IL1RAPL2: variants seen among roughly 807,000 people sequenced by gnomAD.
IL1RAPL2 encodes X-linked interleukin-1 receptor accessory protein-like 2.
A neutral mutation model predicts 44.1 loss-of-function variants in IL1RAPL2; 3 were observed. The observed-to-expected ratio is 0.07, with a 90% CI of 0.03 to 0.18. The LOEUF is 0.18. Ranked by LOEUF, IL1RAPL2 falls within the 10% of genes least tolerant of loss-of-function variation. IL1RAPL2 has a pLI of 1.00. For synonymous variants in IL1RAPL2, 181 were observed against 178.8 expected, an observed-to-expected ratio of 1.01 and a Z score of -0.10; for missense variants, 391 against 496.4, an observed-to-expected ratio of 0.79 and a Z score of 2.02.
At chrX:105,475,889 G>A (rs980758838) in intron 5 of IL1RAPL2, among the ~76,000 whole-genome samples, 1 of 112,164 alleles carries the variant, frequency 8.9e-6, no homozygotes, top group African/African-American at 3.2e-5. Flanking sequence ...CTTTCCCAAA[G>A]CTCATGCACT....
At chrX:105,567,180 A>T (rs2036980938) in intron 6 of IL1RAPL2, among the ~76,000 whole-genome samples, 1 of 111,862 alleles carries the variant, frequency 8.9e-6, no homozygotes, top group Non-Finnish European at 1.9e-5. Context: ...ATACTTGTTT[A>T]TCCATCCAAG....
At chrX:105,627,799 C>T (rs370870385) in intron 6 of IL1RAPL2, among the ~76,000 whole-genome samples, 2 of 111,560 alleles carry the variant, frequency 1.8e-5, no homozygotes, top group South Asian at 7.5e-4. Context: ...AAGGTGTGCA[C>T]TGAGCACTGA....
At chrX:105,692,031 T>C (rs1052898718) in intron 6 of IL1RAPL2, among the ~76,000 whole-genome samples, 4 of 111,966 alleles carry the variant, frequency 3.6e-5, no homozygotes, top group Non-Finnish European at 7.5e-5. Flanking sequence ...AGAAATAATT[T>C]GGAACTATTT....
intron 6 of IL1RAPL2, among the ~76,000 whole-genome samples, chrX:105,485,614 TC>T (rs1357763393): frequency 9.0e-6 from 1 of 111,323 alleles, no homozygotes; most frequent in Non-Finnish European, 1.9e-5. Context: ...CCAAAACCCT[TC>T]CTAGCCTCTG....
chrX:105,610,395 G>A (rs1296654875), intron 6 of IL1RAPL2, among the ~76,000 whole-genome samples: 1 of 111,677 alleles, frequency 9.0e-6, no homozygotes, highest in Non-Finnish European at 1.9e-5. Context: ...TTGGACAAAT[G>A]TAACTCATAA....
At chrX:104,725,729 T>C (rs1470473266) in intron 2 of IL1RAPL2, among the ~76,000 whole-genome samples, 4 of 111,704 alleles carry the variant, frequency 3.6e-5, no homozygotes, top group Non-Finnish European at 7.5e-5. Flanking sequence ...TTTGATGGGG[T>C]TGTATGTTTT....
At chrX:104,673,160 G>C (rs1164076107) in intron 2 of IL1RAPL2, among the ~76,000 whole-genome samples, 1 of 111,704 alleles carries the variant, frequency 9.0e-6, no homozygotes, top group Non-Finnish European at 1.9e-5. Flanking sequence ...TTTTAGACAT[G>C]AAGTCCTTGC....
At chrX:105,199,050 C>T (rs782389640) in intron 3 of IL1RAPL2, among the ~76,000 whole-genome samples, 1 of 111,326 alleles carries the variant, frequency 9.0e-6, no homozygotes, top group East Asian at 2.8e-4. Context: ...ATTCACAGTC[C>T]ACACTTAAGA....
intron 1 of IL1RAPL2, among the ~76,000 whole-genome samples, chrX:104,577,551 A>G (rs182625114): frequency 1.4e-3 from 160 of 111,913 alleles, no homozygotes; most frequent in African/African-American, 4.9e-3. Context: ...TAGGGAAGGA[A>G]GCATCAGGGA....
At chrX:105,257,216 T>A (rs769930989) in intron 4 of IL1RAPL2, among the ~76,000 whole-genome samples, 1 of 111,762 alleles carries the variant, frequency 8.9e-6, no homozygotes, top group African/African-American at 3.2e-5. Context: ...TTCCAGAGCA[T>A]GTTGTTTAAT....
At chrX:105,193,565 T>G (rs2033650213) in intron 2 of IL1RAPL2, among the ~76,000 whole-genome samples, 1 of 112,153 alleles carries the variant, frequency 8.9e-6, no homozygotes, top group Non-Finnish European at 1.9e-5. Flanking sequence ...GGTGTATCAC[T>G]AGTAATTTAT....
At chrX:104,647,843 C>A in intron 1 of IL1RAPL2, 1 of 580,450 alleles carries the variant, frequency 1.7e-6, no homozygotes, top group Non-Finnish European at 3.0e-6. Flanking sequence ...AAAGTGAGTC[C>A]CTTCCCCTAC....
intron 5 of IL1RAPL2, among the ~76,000 whole-genome samples, chrX:105,450,668 G>A (rs775417686): frequency 4.5e-5 from 5 of 111,179 alleles, no homozygotes; most frequent in African/African-American, 6.5e-5. Flanking sequence ...TGTATTTCTG[G>A]GGATTTTTCA....
At chrX:105,371,974 C>G (rs1337872476) in intron 5 of IL1RAPL2, among the ~76,000 whole-genome samples, 1 of 111,408 alleles carries the variant, frequency 9.0e-6, no homozygotes, top group Non-Finnish European at 1.9e-5. Flanking sequence ...AGGATGACCC[C>G]TAAATCTTGA....
chrX:105,065,773 C>T (rs2032130382), intron 2 of IL1RAPL2, among the ~76,000 whole-genome samples: 1 of 111,862 alleles, frequency 8.9e-6, no homozygotes, highest in South Asian at 3.7e-4. Flanking sequence ...TTGCAAGTTC[C>T]GCTGAGTAAG....
intron 1 of IL1RAPL2, among the ~76,000 whole-genome samples, chrX:104,582,713 C>A (rs1413937559): frequency 2.7e-5 from 2 of 74,761 alleles, no homozygotes; most frequent in South Asian, 6.8e-4. Flanking sequence ...TCCTTTATTT[C>A]TTTCTTTCTC....
intron 2 of IL1RAPL2, among the ~76,000 whole-genome samples, chrX:105,138,017 G>A (rs1262336071): frequency 3.6e-5 from 4 of 112,127 alleles, no homozygotes; most frequent in Non-Finnish European, 5.6e-5. Context: ...AGGCTGCAAT[G>A]AGCCATGATT....
intron 2 of IL1RAPL2, among the ~76,000 whole-genome samples, chrX:104,967,525 GA>G (rs145626906): frequency 0.43 from 46,738 of 108,571 alleles, 7,382 homozygotes; most frequent in East Asian, 0.46. Flanking sequence ...ACAAAAAATA[GA>G]AAAAAAGAAA....
chrX:104,735,377 G>A (rs921946584), intron 2 of IL1RAPL2, among the ~76,000 whole-genome samples: 3 of 111,026 alleles, frequency 2.7e-5, no homozygotes, highest in African/African-American at 9.8e-5. Flanking sequence ...TCCTCTGACT[G>A]TTCCTGATGA....
Sources: gnomAD v4.1 joint callset for allele counts (sites outside exome capture counted in the v4.1 genomes callset) on GRCh38, gnomAD v4.1.1 for gene constraint, MANE v1.5 for transcripts, NCBI Gene and HGNC (gene_info 2026-07-23, HGNC 2026-07-21) for gene names.